FBXO28: variants seen among roughly 807,000 people sequenced by gnomAD.
FBXO28 encodes F-box only protein 28.
FBXO28 carries 8 observed loss-of-function variants against 38.1 expected under a neutral mutation model. The ratio of observed to expected loss-of-function variants is 0.21; its 90% confidence interval spans 0.12 to 0.38. The LOEUF is 0.38. FBXO28 is among the 10% of genes least tolerant of loss of function. The pLI, the probability that FBXO28 is intolerant of heterozygous loss-of-function variation, is 1.00. For missense variants in FBXO28, 345 were observed against 460.6 expected, an observed-to-expected ratio of 0.75 and a Z score of 2.30; for synonymous variants, 168 against 173.8, an observed-to-expected ratio of 0.97 and a Z score of 0.26.
chr1:224,125,411 A>G (rs116275555), intron 1 of FBXO28, among the ~76,000 whole-genome samples: 81 of 152,196 alleles, frequency 5.3e-4, no homozygotes, highest in African/African-American at 1.9e-3. Flanking sequence ...GGCTCCATTT[A>G]TAGGCCTTTT....
chr1:224,132,234 A>G (rs1034002698), intron 2 of FBXO28, among the ~76,000 whole-genome samples: 1 of 152,204 alleles, frequency 6.6e-6, no homozygotes, highest in South Asian at 2.1e-4. Context: ...TCTGGGTGAC[A>G]GAGCAAGACT....
intron 1 of FBXO28, among the ~76,000 whole-genome samples, chr1:224,121,442 T>C (rs1015864457): frequency 4.6e-5 from 7 of 152,236 alleles, no homozygotes; most frequent in African/African-American, 1.7e-4. Context: ...CATATACATA[T>C]ATATGTGTAG....
chr1:224,121,975 C>T (rs1327674850), intron 1 of FBXO28, among the ~76,000 whole-genome samples: 1 of 152,134 alleles, frequency 6.6e-6, no homozygotes, highest in Non-Finnish European at 1.5e-5. Flanking sequence ...AGGGTTTCAC[C>T]ATCTTGGCCA....
chr1:224,127,317 A>G (rs1032461012), intron 1 of FBXO28, among the ~76,000 whole-genome samples: 1 of 152,126 alleles, frequency 6.6e-6, no homozygotes, highest in South Asian at 2.1e-4. Flanking sequence ...TGAAACGTGC[A>G]CTTGTGTGTT....
At chr1:224,137,772 G>A (rs1657230984) in intron 3 of FBXO28, among the ~76,000 whole-genome samples, 1 of 151,832 alleles carries the variant, frequency 6.6e-6, no homozygotes, top group Non-Finnish European at 1.5e-5. Context: ...CTGATAACAG[G>A]AAGGTTGGTT....
At chr1:224,132,491 C>T (rs1657075036) in intron 2 of FBXO28, among the ~76,000 whole-genome samples, 1 of 152,102 alleles carries the variant, frequency 6.6e-6, no homozygotes, top group South Asian at 2.1e-4. Flanking sequence ...TAAAATGGTG[C>T]AGTCACTTTA....
intron 3 of FBXO28, among the ~76,000 whole-genome samples, chr1:224,141,211 G>A (rs1467661551): frequency 1.3e-5 from 2 of 151,332 alleles, no homozygotes; most frequent in Non-Finnish European, 3.0e-5. Flanking sequence ...GGTGGCTCAC[G>A]CCTGTAATCC....
In FBXO28 at chr1:224,159,448, A is replaced by G. The variant is rs1397062365; in HGVS notation, c.*1702A>G. The stretch of plus-strand genomic sequence containing the variant: ...GTCTGACTTTGAAATTCCATTTACA[A>G]TGTAGTATGTTTTCAATGAAAAACC... On this transcript the variant is annotated 3_prime_UTR_variant, in exon 5 of 5. Transcript: ENST00000366862. 5 of 152,614 alleles carry G rather than the reference A, an allele frequency of 3.3e-5. No individual in the cohort carries two copies. The highest frequency in any genetic ancestry group is 7.3e-5 in the Non-Finnish European group (5 of 68,038). The allele number at this position is 152,614 out of a possible 1,614,324, so 9.5% of individuals were successfully genotyped here.
At position 224,136,101 on chromosome 1, in the gene FBXO28, G is replaced by T. The variant is rs1335230457; in HGVS notation, c.516+1889G>T. 9.2e-4 allele frequency among the ~76,000 whole-genome samples: 69 copies of T among 75,124 alleles called. 1 individual carries two copies. Among genetic ancestry groups the T allele is most frequent in the Admixed American group, 1.6e-3 (7 of 4,276 alleles). 49.3% of individuals were successfully genotyped at this position (75,124 alleles called of 152,430 possible). On this transcript the variant is annotated intron_variant, in intron 3 of 4. Coordinates refer to ENST00000366862, the MANE Select transcript of FBXO28 (RefSeq NM_015176.4). ...TTTTGGAAACCATTTGTTGACTTCA[G>T]TTTTTTTTTTTTTTTTTTTTGAGAT...
chr1:224,119,889 CTGT>C (rs1381370404), intron 1 of FBXO28, among the ~76,000 whole-genome samples: 3 of 152,122 alleles, frequency 2.0e-5, no homozygotes, highest in Non-Finnish European at 4.4e-5. Context: ...TAGTGGTCAC[CTGT>C]CCTCCTGTCT....
At chr1:224,127,020 T>G (rs1038001818) in intron 1 of FBXO28, among the ~76,000 whole-genome samples, 4 of 152,140 alleles carry the variant, frequency 2.6e-5, no homozygotes, top group Middle Eastern at 6.8e-3. Context: ...CATAAAAGTT[T>G]TTTTTTTCCC....
chr1:224,125,089 T>G (rs891467517), intron 1 of FBXO28, among the ~76,000 whole-genome samples: 3 of 152,068 alleles, frequency 2.0e-5, no homozygotes, highest in African/African-American at 7.2e-5. Context: ...CTTACAATAT[T>G]GCCTAATGTT....
chr1:224,145,823 C>A (rs1285134922), intron 3 of FBXO28, among the ~76,000 whole-genome samples: 3 of 152,116 alleles, frequency 2.0e-5, no homozygotes, highest in Non-Finnish European at 4.4e-5. Flanking sequence ...AATCCCAGCA[C>A]TTGGAAGGCC....
intron 3 of FBXO28, among the ~76,000 whole-genome samples, chr1:224,137,681 T>TG (rs1423471976): frequency 6.6e-6 from 1 of 151,682 alleles, no homozygotes; most frequent in African/African-American, 2.4e-5. Flanking sequence ...ACACTGACAG[T>TG]GGGGAAAGCC....
rs932500809 is a variant in FBXO28, at chr1:224,159,768, A to C, written c.*2022A>C. On this transcript the variant is annotated 3_prime_UTR_variant, in exon 5 of 5. Coordinates refer to ENST00000366862, the MANE Select transcript of FBXO28 (RefSeq NM_015176.4). The stretch of plus-strand genomic sequence containing the variant: ...GATTTACAGAGTGTGATCCGTATGC[A>C]TCAAAGGGATACAGCCCCAGACTGT... 8 of 152,080 alleles carry C rather than the reference A, an allele frequency of 5.3e-5. No homozygotes were observed. Among genetic ancestry groups the C allele is most frequent in the Admixed American group, 3.3e-4 (5 of 15,250 alleles). The allele number at this position is 152,080 out of a possible 1,614,324, so 9.4% of individuals were successfully genotyped here. A position where few individuals can be genotyped will look rare whatever the true frequency, so the allele number is the denominator to read the frequency against.
chr1:224,129,530 C>T (rs1656987390), intron 1 of FBXO28, among the ~76,000 whole-genome samples: 1 of 151,916 alleles, frequency 6.6e-6, no homozygotes. Context: ...TTTTTTGTTT[C>T]AAACTATTAA....
chr1:224,128,711 G>A (rs529022394), intron 1 of FBXO28, among the ~76,000 whole-genome samples: 3 of 152,242 alleles, frequency 2.0e-5, no homozygotes, highest in Admixed American at 1.3e-4. Context: ...ATCTGGCTGG[G>A]CATGGTGGCT....
chr1:224,117,277 C>T (rs1656663843), intron 1 of FBXO28, among the ~76,000 whole-genome samples: 1 of 145,080 alleles, frequency 6.9e-6, no homozygotes, highest in Non-Finnish European at 1.5e-5. Context: ...AAGCGATTCT[C>T]CTGTCTCAGC....
At chr1:224,155,310 C>T (rs9662363) in intron 4 of FBXO28, among the ~76,000 whole-genome samples, 24,146 of 151,864 alleles carry the variant, frequency 0.16, 2,076 homozygotes, top group Middle Eastern at 0.25. Context: ...GGATTACAGG[C>T]GTGTGCCACC....
Sources: gnomAD v4.1 joint callset for allele counts (sites outside exome capture counted in the v4.1 genomes callset) on GRCh38, gnomAD v4.1.1 for gene constraint, MANE v1.5 for transcripts, NCBI Gene and HGNC (gene_info 2026-07-23, HGNC 2026-07-21) for gene names.